ASXL3: variants seen among roughly 807,000 people sequenced by gnomAD.
The protein encoded by ASXL3 is putative Polycomb group protein ASXL3.
In ASXL3, 34 loss-of-function variants were observed where a neutral mutation model predicts 170.6. The observed-to-expected ratio is 0.20, with a 90% CI of 0.15 to 0.27. The LOEUF (loss-of-function observed/expected upper bound fraction) is 0.27. Ranked by LOEUF, ASXL3 falls within the 10% of genes least tolerant of loss-of-function variation. The pLI is 1.00. For missense variants in ASXL3, 2,592 were observed against 2,695.3 expected (o/e 0.96, Z 0.85); for synonymous variants, 1,002 against 989.1 (o/e 1.01, Z -0.24).
intron 1 of ASXL3, among the ~76,000 whole-genome samples, chr18:33,603,311 G>C (rs1215683918): frequency 6.6e-6 from 1 of 151,952 alleles, no homozygotes; most frequent in African/African-American, 2.4e-5. Context: ...GGTACTTAAG[G>C]ACCAAAGTTA....
chr18:33,701,876 G>T (rs2066880226), intron 8 of ASXL3, among the ~76,000 whole-genome samples: 1 of 151,858 alleles, frequency 6.6e-6, no homozygotes, highest in South Asian at 2.1e-4. Flanking sequence ...TATCTATGAT[G>T]TCTGTTCCTT....
intron 8 of ASXL3, among the ~76,000 whole-genome samples, chr18:33,716,227 G>A (rs554513085): frequency 1.2e-4 from 19 of 152,206 alleles, no homozygotes; most frequent in Admixed American, 9.8e-4. Flanking sequence ...CATTTCTTAC[G>A]GTGAACACAA....
intron 2 of ASXL3, among the ~76,000 whole-genome samples, chr18:33,644,602 A>G (rs1033613649): frequency 4.0e-5 from 6 of 151,658 alleles, no homozygotes; most frequent in Admixed American, 3.3e-4. Context: ...TTTCTGTAAA[A>G]TATAGTATTG....
At chr18:33,670,829 C>A in intron 6 of ASXL3, 39 bp downstream of exon 6, 1 of 1,329,086 alleles carries the variant, frequency 7.5e-7, no homozygotes. Context: ...CCAGTTTCTT[C>A]CTGGAGGAGA....
At chr18:33,684,061 A>G (rs1474887048) in intron 8 of ASXL3, among the ~76,000 whole-genome samples, 1 of 152,220 alleles carries the variant, frequency 6.6e-6, no homozygotes, top group Non-Finnish European at 1.5e-5. Context: ...TTTTTAAAAT[A>G]TAACTGGAAA....
rs1221324315 is a variant in ASXL3, at chr18:33,743,977, C to A, written c.4129C>A (p.Pro1377Thr). ...ATTTCCTTCTGAGAAGATAGCCATA[C>A]CTGGGAGTGAAGAACAGGCCACTGT... ...NRFPSEKIAI[P>T]GSEEQATVSM... Residue 1377 changes from proline to threonine, a missense_variant, in exon 12 of 12, where the codon CCT becomes ACT. Physicochemically the swap from Pro to Thr is conservative, Grantham distance 38. Transcript: ENST00000269197. 1.2e-6 allele frequency: 2 copies of A among 1,614,010 alleles called. No homozygotes were observed. The highest frequency in any genetic ancestry group is 3.3e-5 in the Admixed American group (2 of 60,028).
intron 4 of ASXL3, among the ~76,000 whole-genome samples, chr18:33,650,041 G>T (rs960060397): frequency 1.2e-4 from 18 of 152,056 alleles, no homozygotes; most frequent in Admixed American, 1.2e-3. Flanking sequence ...ATGGGACTGG[G>T]TCCACCTGGA....
intron 1 of ASXL3, among the ~76,000 whole-genome samples, chr18:33,596,053 A>C (rs974671225): frequency 1.3e-5 from 2 of 152,068 alleles, no homozygotes; most frequent in African/African-American, 4.8e-5. Context: ...GGCAAGTATT[A>C]CACACCTACA....
intron 8 of ASXL3, among the ~76,000 whole-genome samples, chr18:33,729,733 CCTT>C (rs1293966991): frequency 1.3e-5 from 2 of 152,110 alleles, no homozygotes; most frequent in Non-Finnish European, 1.5e-5. Context: ...TCATCTCCCT[CCTT>C]CATTACTCAT....
intron 2 of ASXL3, among the ~76,000 whole-genome samples, chr18:33,624,917 C>G (rs530408340): frequency 6.6e-6 from 1 of 152,160 alleles, no homozygotes; most frequent in East Asian, 1.9e-4. Flanking sequence ...AGTTTGCTGC[C>G]TGTTAAACTA....
At chr18:33,693,606 G>A (rs2066723276) in intron 8 of ASXL3, among the ~76,000 whole-genome samples, 1 of 152,118 alleles carries the variant, frequency 6.6e-6, no homozygotes. Flanking sequence ...GTGGCTTGGT[G>A]TATTTTCAGA....
At chr18:33,730,706 T>G (rs532232793) in intron 8 of ASXL3, among the ~76,000 whole-genome samples, 1 of 152,310 alleles carries the variant, frequency 6.6e-6, no homozygotes, top group East Asian at 1.9e-4. Context: ...GTAGAATATA[T>G]TCAGAATATA....
At chr18:33,734,071 G>GCTTTAGCATTCTTCTAAAGCATTTAA (rs2067502408) in intron 9 of ASXL3, among the ~76,000 whole-genome samples, 1 of 143,698 alleles carries the variant, frequency 7.0e-6, no homozygotes, top group African/African-American at 2.6e-5. Context: ...AAAGCATTTA[G>GCTTTAGCATTCTTCTAAAGCATTTAA]CTTTAGCATT....
intron 1 of ASXL3, among the ~76,000 whole-genome samples, chr18:33,586,019 T>C (rs752302675): frequency 1.3e-5 from 2 of 152,192 alleles, no homozygotes; most frequent in Non-Finnish European, 2.9e-5. Flanking sequence ...TTATGACTTA[T>C]AGAAGGCAAT....
At chr18:33,731,931 C>G (rs779333335) in intron 8 of ASXL3, 37 bp from the exon 9 acceptor site, 12 of 1,571,108 alleles carry the variant, frequency 7.6e-6, no homozygotes, top group Non-Finnish European at 9.6e-6. Flanking sequence ...TGACTTATTC[C>G]TGATGGAACC....
chr18:33,664,297 C>A (rs954914762), intron 5 of ASXL3, among the ~76,000 whole-genome samples: 1 of 152,120 alleles, frequency 6.6e-6, no homozygotes, highest in African/African-American at 2.4e-5. Context: ...ACAAATACTG[C>A]CTTTCAGCAT....
chr18:33,661,777 C>T (rs370772317), intron 5 of ASXL3, 40 bp downstream of exon 5: 41 of 1,594,342 alleles, frequency 2.6e-5, no homozygotes, highest in Non-Finnish European at 3.4e-5. Flanking sequence ...TTCAGTTCTG[C>T]ATACTTAAGG....
intron 2 of ASXL3, among the ~76,000 whole-genome samples, chr18:33,625,139 G>A (rs536135896): frequency 2.6e-5 from 4 of 152,146 alleles, no homozygotes; most frequent in Admixed American, 6.5e-5. Context: ...TTCCTTGGGG[G>A]AATTTCTAGT....
intron 5 of ASXL3, among the ~76,000 whole-genome samples, chr18:33,663,155 A>C (rs924118081): frequency 2.6e-5 from 4 of 152,326 alleles, no homozygotes; most frequent in East Asian, 3.9e-4. Context: ...TGAAATAAAA[A>C]ACAGCTGTAG....
Sources: allele counts gnomAD v4.1 joint callset (sites outside exome capture counted in the v4.1 genomes callset), GRCh38; gene constraint gnomAD v4.1.1; transcripts MANE v1.5; gene names NCBI Gene and HGNC (gene_info 2026-07-23, HGNC 2026-07-21).